The following SMAP1 variants were observed in gnomAD, a reference collection of about 807,000 sequenced individuals.
SMAP1 encodes the protein stromal membrane-associated protein 1.
A neutral mutation model predicts 58.5 loss-of-function variants in SMAP1; 24 were observed. That is an observed-to-expected ratio of 0.41 (90% CI 0.30 to 0.58). SMAP1 has a LOEUF of 0.58. Among genes scored for constraint, SMAP1 ranks in the 20% least tolerant of loss-of-function variants. The pLI is 0.29. For synonymous variants in SMAP1, 216 were observed against 196.6 expected (o/e 1.10, Z -0.82); for missense variants, 563 against 566.3 (o/e 0.99, Z 0.06).
Position 70,860,308 on chromosome 6 carries a change from ACT to A in SMAP1, c.1382_1383del (p.Leu461GlnfsTer20). On this transcript the variant is annotated frameshift_variant, in exon 11 of 11. Coordinates refer to ENST00000370455, the MANE Select transcript of SMAP1 (RefSeq NM_001044305.3). LOFTEE classifies it high-confidence loss of function. ...ATGGTCTGGAAGCTCATCAGGTCAG[ACT>A]CTCAGCACACAACTGTGGAAATGAA... Reference protein sequence around the residue: ...AGWSGSSSGQTLSTQLWK With the variant: ...AGWSGSSSGQXLSTQLWK 1 of 1,612,578 alleles carries A rather than the reference ACT, an allele frequency of 6.2e-7. No homozygotes were observed.
At chr6:70,701,169 C>T (rs1469878539) in intron 1 of SMAP1, among the ~76,000 whole-genome samples, 1 of 152,184 alleles carries the variant, frequency 6.6e-6, no homozygotes, top group African/African-American at 2.4e-5. Flanking sequence ...CTACCTCCAC[C>T]TCCTAGGCTC....
chr6:70,751,598 G>T (rs914932522), intron 2 of SMAP1, among the ~76,000 whole-genome samples: 1 of 101,504 alleles, frequency 9.9e-6, no homozygotes, highest in Admixed American at 8.5e-5. Context: ...AAAAAATACT[G>T]ACAGGGAATG....
chr6:70,751,739 A>G (rs1269052415), intron 2 of SMAP1, among the ~76,000 whole-genome samples: 2 of 152,190 alleles, frequency 1.3e-5, no homozygotes, highest in Non-Finnish European at 2.9e-5. Flanking sequence ...TAAGTGTTTC[A>G]AAATGATGCT....
At chr6:70,706,409 A>G (rs1034932837) in intron 1 of SMAP1, among the ~76,000 whole-genome samples, 1 of 152,064 alleles carries the variant, frequency 6.6e-6, no homozygotes, top group African/African-American at 2.4e-5. Context: ...TTAATAATGC[A>G]TTTTTTGAAC....
At chr6:70,858,378 TATAA>T (rs1771536778) in intron 10 of SMAP1, 149 bp downstream of exon 10, 1 of 625,778 alleles carries the variant, frequency 1.6e-6, no homozygotes, top group South Asian at 2.7e-5. Flanking sequence ...CAAAAGTATC[TATAA>T]ATATTATGAA....
At chr6:70,856,765 T>TA in intron 8 of SMAP1, 94 bp from the exon 9 acceptor site, 3 of 1,280,400 alleles carry the variant, frequency 2.3e-6, no homozygotes, top group Non-Finnish European at 3.2e-6. Context: ...GTTTGATTCC[T>TA]ATCTAATTTT....
intron 1 of SMAP1, among the ~76,000 whole-genome samples, chr6:70,675,001 T>A (rs1454342957): frequency 6.6e-6 from 1 of 152,040 alleles, no homozygotes; most frequent in African/African-American, 2.4e-5. Context: ...ACAAAAAGTT[T>A]TGGATATAGT....
intron 8 of SMAP1, among the ~76,000 whole-genome samples, chr6:70,855,163 G>T (rs1006188738): frequency 2.0e-5 from 3 of 151,512 alleles, no homozygotes; most frequent in African/African-American, 7.3e-5. Context: ...TCTTGGTTAA[G>T]CCCTTGGGTC....
intron 2 of SMAP1, among the ~76,000 whole-genome samples, chr6:70,752,242 G>A (rs527361493): frequency 2.6e-4 from 40 of 152,296 alleles, no homozygotes; most frequent in African/African-American, 9.4e-4. Context: ...TCTCTGTAAA[G>A]TGAAAACCAG....
intron 7 of SMAP1, among the ~76,000 whole-genome samples, chr6:70,844,759 A>G (rs17763880): frequency 0.034 from 5,185 of 152,356 alleles, 113 homozygotes; most frequent in South Asian, 0.071. Context: ...AAGACATGTG[A>G]GTTGATGTTA....
intron 1 of SMAP1, among the ~76,000 whole-genome samples, chr6:70,690,528 A>G (rs1162373751): frequency 6.6e-6 from 1 of 151,062 alleles, no homozygotes; most frequent in South Asian, 2.1e-4. Flanking sequence ...CTGGTCTTGA[A>G]CTCCTGACCT....
Position 70,858,214 on chromosome 6 carries a change from G to A in SMAP1, c.1254G>A (p.Gln418=), listed in dbSNP as rs1238919492. ...KFGLPQAQQP[Q]WSLSQMNQQM... Reference sequence around the variant, plus strand: ...GCCTGCCGCAAGCTCAGCAGCCCCAGTGGAGCCTCTCACAGGTAGGGGTCA... The same window carrying A: ...GCCTGCCGCAAGCTCAGCAGCCCCAATGGAGCCTCTCACAGGTAGGGGTCA... Residue 418 remains glutamine, a synonymous_variant, in exon 10 of 11, where the codon CAG becomes CAA. Transcript: ENST00000370455. The A allele has an allele frequency of 6.2e-7, 1 of 1,600,938 alleles. No individual in the cohort carries two copies. Among genetic ancestry groups the A allele is most frequent in the Non-Finnish European group, 8.5e-7 (1 of 1,172,270 alleles).
chr6:70,810,106 T>C (rs912409361), intron 6 of SMAP1, among the ~76,000 whole-genome samples: 2 of 152,182 alleles, frequency 1.3e-5, no homozygotes, highest in African/African-American at 4.8e-5. Flanking sequence ...TTGGTAAATG[T>C]ATAGGGTTTC....
At chr6:70,668,725 G>C in intron 1 of SMAP1, 1 of 1,536,016 alleles carries the variant, frequency 6.5e-7, no homozygotes, top group Non-Finnish European at 8.7e-7. Context: ...CGGTGGGTTT[G>C]AGTTTTACGG....
chr6:70,773,625 CT>C (rs537931579), intron 4 of SMAP1, among the ~76,000 whole-genome samples, 200 bp downstream of exon 4: 51 of 152,222 alleles, frequency 3.4e-4, no homozygotes, highest in Non-Finnish European at 4.4e-5. Flanking sequence ...TATTCTAAAT[CT>C]AATAACCACT....
At chr6:70,826,041 G>A (rs1049603016) in intron 6 of SMAP1, among the ~76,000 whole-genome samples, 1 of 152,152 alleles carries the variant, frequency 6.6e-6, no homozygotes, top group Admixed American at 6.6e-5. Flanking sequence ...GGTATGTAAC[G>A]ATAAAATGTA....
rs116342727 is a variant in SMAP1 at position 70,807,979 on chromosome 6, A to T, written c.576+9242A>T. On this transcript the variant is annotated intron_variant, in intron 6 of 10. Transcript: ENST00000370455. ...GTATTAGATATATTCTTAATTATAT[A>T]TTATATATAAGAATATATTCTTAAA... Among the ~76,000 whole-genome samples, 1,316 of 151,096 alleles carry T rather than the reference A, an allele frequency of 8.7e-3. 24 individuals are homozygous for T. The highest frequency in any genetic ancestry group is 0.03 in the African/African-American group (1,253 of 41,362).
intron 1 of SMAP1, among the ~76,000 whole-genome samples, chr6:70,707,831 A>C (rs1378628356): frequency 1.3e-5 from 2 of 152,030 alleles, no homozygotes; most frequent in African/African-American, 4.8e-5. Context: ...CAGGCTTTAA[A>C]ATTTATTTTT....
At chr6:70,818,748 C>T (rs79586087) in intron 6 of SMAP1, among the ~76,000 whole-genome samples, 1 of 152,282 alleles carries the variant, frequency 6.6e-6, no homozygotes, top group African/African-American at 2.4e-5. Context: ...TATGTATTCA[C>T]TGCTAAAGTA....
Sources: gnomAD v4.1 joint callset for allele counts (sites outside exome capture counted in the v4.1 genomes callset) on GRCh38, gnomAD v4.1.1 for gene constraint, MANE v1.5 for transcripts, NCBI Gene and HGNC (gene_info 2026-07-23, HGNC 2026-07-21) for gene names.